WSB2: variants seen among roughly 807,000 people sequenced by gnomAD.
WSB2 encodes the protein WD repeat and SOCS box containing 2.
Under a neutral mutation model 48.8 loss-of-function variants are expected in WSB2, and 12 were observed. That is an observed-to-expected ratio of 0.25 (90% CI 0.16 to 0.40). The LOEUF is 0.40. Among genes scored for constraint, WSB2 ranks in the 10% least tolerant of loss-of-function variants. The pLI, the probability that WSB2 is intolerant of heterozygous loss-of-function variation, is 1.00. For missense variants in WSB2, 317 were observed against 506.2 expected (o/e 0.63, Z 3.59); for synonymous variants, 191 against 203.1 (o/e 0.94, Z 0.51).
chr12:118,053,168 C>T (rs1026857413), intron 1 of WSB2, among the ~76,000 whole-genome samples: 5 of 152,090 alleles, frequency 3.3e-5, no homozygotes, highest in African/African-American at 9.7e-5. Context: ...AGAAAGCTCC[C>T]GCCTGCCTAC....
chr12:118,041,713 G>A (rs55973710), intron 4 of WSB2, among the ~76,000 whole-genome samples: 23,261 of 148,662 alleles, frequency 0.16, 1,863 homozygotes, highest in Non-Finnish European at 0.17. Context: ...GGAATTGAAA[G>A]ATGGCATTGC....
rs546906451 is a variant in WSB2 at position 118,043,033 on chromosome 12, G to A, written c.428-61C>T. The A allele has an allele frequency of 4.0e-5, 65 of 1,613,490 alleles. 1 individual carries two copies. The highest frequency in any genetic ancestry group is 3.8e-4 in the South Asian group (35 of 91,024). On this transcript the variant is annotated intron_variant, in intron 3 of 8. Coordinates refer to ENST00000315436, the MANE Select transcript of WSB2 (RefSeq NM_018639.5). Reference sequence around the variant, plus strand: ...AGGGGGCACGAGGTGTGCCTGCCACGGCCACACCCCTTGGCCAACGTGAGT... The same window carrying A: ...AGGGGGCACGAGGTGTGCCTGCCACAGCCACACCCCTTGGCCAACGTGAGT...
chr12:118,049,244 A>T (rs1276805044), intron 2 of WSB2, among the ~76,000 whole-genome samples: 1 of 152,206 alleles, frequency 6.6e-6, no homozygotes, highest in South Asian at 2.1e-4. Flanking sequence ...GATTAAAAAC[A>T]CATAACAAAA....
At chr12:118,038,508 G>T in intron 4 of WSB2, 120 bp from the exon 5 acceptor site, 1 of 797,788 alleles carries the variant, frequency 1.3e-6, no homozygotes, top group Non-Finnish European at 2.0e-6. Flanking sequence ...CCTATCAGCT[G>T]GGCCCAAGGG....
Position 118,038,394 on chromosome 12 carries a change from A to G in WSB2, c.560-6T>C. On this transcript the variant is annotated splice_polypyrimidine_tract_variant and splice_region_variant and intron_variant, in intron 4 of 8. Transcript: ENST00000315436. ...TAACACTTGAATCTGTTTACCTGGCAGGAAAAAGAAGCAAACAATGAGCCA... is the reference window on the plus strand; with the variant it reads ...TAACACTTGAATCTGTTTACCTGGCGGGAAAAAGAAGCAAACAATGAGCCA... 1.9e-6 allele frequency: 3 copies of G among 1,613,560 alleles called. No individual in the cohort carries two copies. Among genetic ancestry groups the G allele is most frequent in the Non-Finnish European group, 2.5e-6 (3 of 1,179,682 alleles).
In WSB2 at chr12:118,032,930, T is replaced by A. The variant is rs1207808161; in HGVS notation, c.*1266A>T. 2 of 152,158 alleles carry A rather than the reference T, an allele frequency of 1.3e-5. No individual in the cohort carries two copies. Among genetic ancestry groups the A allele is most frequent in the Non-Finnish European group, 2.9e-5 (2 of 68,034 alleles). The allele number at this position is 152,158 out of a possible 1,614,324, so 9.4% of individuals were successfully genotyped here. On this transcript the variant is annotated 3_prime_UTR_variant, in exon 9 of 9. Transcript: ENST00000315436. ...AAGCTTTTAACTGTTGTTTTTTTCT[T>A]TTCTTCAATGAAAGCCTCTCATTTT... is the stretch of plus-strand genomic sequence containing the variant.
intron 1 of WSB2, 67 bp from the exon 2 acceptor site, chr12:118,052,545 AG>A (rs1353957121): frequency 6.3e-7 from 1 of 1,597,432 alleles, no homozygotes; most frequent in East Asian, 2.2e-5. Flanking sequence ...GACACAGGAA[AG>A]CCACTGTCTC....
In WSB2 at chr12:118,060,939, A is replaced by ACCCCC; in HGVS notation, c.13+96_13+97insGGGGG. 1 of 247,248 alleles carries ACCCCC rather than the reference A, an allele frequency of 4.0e-6. No individual in the cohort carries two copies. Among genetic ancestry groups the ACCCCC allele is most frequent in the Non-Finnish European group, 6.1e-6 (1 of 163,746 alleles). The allele number at this position is 247,248 out of a possible 1,614,324, so 15.3% of individuals were successfully genotyped here. Reference sequence around the variant, plus strand: ...CCCCGCCGCGTCCAGCCCCCGCCCCACCCCGCCCAGCCCGCCCCGGGGTCG... The same window carrying ACCCCC: ...CCCCGCCGCGTCCAGCCCCCGCCCCACCCCCCCCCGCCCAGCCCGCCCCGGGGTCG... On this transcript the variant is annotated intron_variant, in intron 1 of 8. Coordinates refer to ENST00000315436, the MANE Select transcript of WSB2 (RefSeq NM_018639.5). The surrounding 1 kb of genome is among the most constrained non-coding windows in gnomAD (Gnocchi z 4.1).
intron 1 of WSB2, among the ~76,000 whole-genome samples, chr12:118,054,594 C>T (rs1002820294): frequency 1.3e-4 from 20 of 151,752 alleles, no homozygotes; most frequent in Admixed American, 8.5e-4. Flanking sequence ...CGCTTGAACC[C>T]GGGAGGCGGA....
At chr12:118,054,533 G>C (rs1256377948) in intron 1 of WSB2, among the ~76,000 whole-genome samples, 2 of 152,086 alleles carry the variant, frequency 1.3e-5, no homozygotes, top group Non-Finnish European at 2.9e-5. Context: ...AGCCGGGCTT[G>C]GTGGCGCATG....
chr12:118,055,461 C>T (rs964985468), intron 1 of WSB2, among the ~76,000 whole-genome samples: 12 of 152,118 alleles, frequency 7.9e-5, no homozygotes, highest in African/African-American at 2.4e-4. Context: ...GGTAGTGGCT[C>T]ATGCCTGTAA....
In WSB2 at chr12:118,033,160, A is replaced by G. The variant is rs988744309; in HGVS notation, c.*1036T>C. 4 of 152,224 alleles carry G rather than the reference A, an allele frequency of 2.6e-5. No individual in the cohort carries two copies. The highest frequency in any genetic ancestry group is 5.9e-5 in the Non-Finnish European group (4 of 68,032). The allele number at this position is 152,224 out of a possible 1,614,324, so 9.4% of individuals were successfully genotyped here. On this transcript the variant is annotated 3_prime_UTR_variant, in exon 9 of 9. Transcript: ENST00000315436. ...TGTTTGAATGAGGTGTCTTGATTAG[A>G]TAACTACATGCCACTGAAGGAGAAC...
intron 5 of WSB2, 156 bp downstream of exon 5, chr12:118,038,132 G>T: frequency 1.7e-6 from 1 of 580,784 alleles, no homozygotes; most frequent in Non-Finnish European, 2.9e-6. Flanking sequence ...TAAAGTGCAA[G>T]TCACAAGGGA....
chr12:118,034,593 C>CTCTCTCTCTCTCTCTCTCTA, intron 8 of WSB2: 1 of 541,842 alleles, frequency 1.8e-6, no homozygotes, highest in Non-Finnish European at 3.2e-6. Flanking sequence ...GTCTCTCTCT[C>CTCTCTCTCTCTCTCTCTCTA]GGCACAGCCC....
chr12:118,033,874 A>G lies in WSB2; in HGVS notation c.*322T>C. The stretch of plus-strand genomic sequence containing the variant: ...CTCTGGAGGCCTACTTAGTTGCATA[A>G]TCAAAACAACATCAGTAACTGCACT... On this transcript the variant is annotated 3_prime_UTR_variant, in exon 9 of 9. Transcript: ENST00000315436. 1 of 315,582 alleles carries G rather than the reference A, an allele frequency of 3.2e-6. No homozygotes were observed. Among genetic ancestry groups the G allele is most frequent in the Non-Finnish European group, 6.1e-6 (1 of 164,782 alleles). The allele number at this position is 315,582 out of a possible 1,614,324, so 19.5% of individuals were successfully genotyped here.
chr12:118,054,585 G>A (rs967269724), intron 1 of WSB2, among the ~76,000 whole-genome samples: 4 of 151,820 alleles, frequency 2.6e-5, no homozygotes, highest in African/African-American at 4.8e-5. Flanking sequence ...CAGGAGAATC[G>A]CTTGAACCCG....
chr12:118,038,921 T>A (rs1392686727), intron 4 of WSB2, among the ~76,000 whole-genome samples: 1 of 152,140 alleles, frequency 6.6e-6, no homozygotes, highest in Non-Finnish European at 1.5e-5. Context: ...CCTCAGGTGC[T>A]GATCACTTTT....
chr12:118,041,183 G>A (rs1326252978), intron 4 of WSB2, among the ~76,000 whole-genome samples: 1 of 152,188 alleles, frequency 6.6e-6, no homozygotes, highest in African/African-American at 2.4e-5. Context: ...CACACATAAA[G>A]CCCTAATCCC....
chr12:118,036,211 C>T lies in WSB2; in HGVS notation c.833+127G>A, dbSNP rs1406467158. The T allele has an allele frequency of 3.5e-6, 4 of 1,132,166 alleles. No individual in the cohort carries two copies. In the African/African-American group the frequency reaches 6.2e-5, roughly 18 times the overall value. The allele number at this position is 1,132,166 out of a possible 1,614,324, so 70.1% of individuals were successfully genotyped here. A position where few individuals can be genotyped will look rare whatever the true frequency, so the allele number is the denominator to read the frequency against. On this transcript the variant is annotated intron_variant, in intron 6 of 8. Transcript: ENST00000315436. ...AGCGAGACTCCGTCTCAAAAGAGAC[C>T]CACTGTGCCTTTTTATCCAGCTTGT...
Sources: allele counts gnomAD v4.1 joint callset (sites outside exome capture counted in the v4.1 genomes callset), GRCh38; gene constraint gnomAD v4.1.1; non-coding constraint Gnocchi (gnomAD v3.1); transcripts MANE v1.5; gene names NCBI Gene and HGNC (gene_info 2026-07-23, HGNC 2026-07-21).